ADGRV1: variants seen among roughly 807,000 people sequenced by gnomAD.
The protein encoded by ADGRV1 is G-protein coupled receptor 98.
A neutral mutation model predicts 596.2 loss-of-function variants in ADGRV1; 359 were observed. The observed-to-expected ratio is 0.60, with a 90% CI of 0.55 to 0.66. The LOEUF (loss-of-function observed/expected upper bound fraction) is 0.66. ADGRV1 is among the 30% of genes least tolerant of loss of function. The pLI, the probability that ADGRV1 is intolerant of heterozygous loss-of-function variation, is 0.00. For missense variants in ADGRV1, 7,274 were observed against 7,575.6 expected (o/e 0.96, Z 1.48); for synonymous variants, 2,681 against 2,679.2 (o/e 1.00, Z -0.02).
chr5:90,829,401 T>C (rs1439800454), intron 77 of ADGRV1, among the ~76,000 whole-genome samples: 3 of 152,232 alleles, frequency 2.0e-5, no homozygotes, highest in Admixed American at 1.3e-4. Context: ...CTTTTTTCTC[T>C]CTTTTGACAA....
chr5:90,653,838 A>G lies in ADGRV1; in HGVS notation c.4264A>G (p.Ser1422Gly), dbSNP rs377136573. ...KTTVMKYLEE[S>G]VWLHLLIILE... Reference sequence around the variant, plus strand: ...AACAGTCATGAAATATTTAGAAGAAAGTGTTTGGCTTCATCTACTAATTAT... The same window carrying G: ...AACAGTCATGAAATATTTAGAAGAAGGTGTTTGGCTTCATCTACTAATTAT... Residue 1422 changes from serine to glycine, a missense_variant, in exon 20 of 90, where the codon AGT becomes GGT. By Grantham distance (56) the Ser-to-Gly change is moderately conservative (BLOSUM62 0). Transcript: ENST00000405460. 6.3e-5 allele frequency: 101 copies of G among 1,612,654 alleles called. No homozygotes were observed. The African/African-American group carries it at 1.2e-3, about 19-fold the overall frequency.
Position 90,700,505 on chromosome 5 carries a change from G to A in ADGRV1, c.8156-3160G>A, listed in dbSNP as rs190900085. On this transcript the variant is annotated intron_variant, in intron 34 of 89. Transcript: ENST00000405460. Reference sequence around the variant, plus strand: ...GTAATGGACAGAATTTAGAAATATGGGACAATGGATTTTACTGTGGTTGCA... The same window carrying A: ...GTAATGGACAGAATTTAGAAATATGAGACAATGGATTTTACTGTGGTTGCA... 1.2e-3 allele frequency among the ~76,000 whole-genome samples: 176 copies of A among 152,160 alleles called. 1 individual carries two copies. Among genetic ancestry groups the A allele is most frequent in the African/African-American group, 4.1e-3 (169 of 41,532 alleles).
intron 83 of ADGRV1, among the ~76,000 whole-genome samples, chr5:90,894,542 G>C (rs1178994685): frequency 6.6e-6 from 1 of 152,106 alleles, no homozygotes; most frequent in Non-Finnish European, 1.5e-5. Context: ...AACAAATTTT[G>C]ACTATTCTGC....
chr5:90,820,433 T>G (rs1174531335), intron 75 of ADGRV1, among the ~76,000 whole-genome samples: 9 of 151,610 alleles, frequency 5.9e-5, no homozygotes, highest in Non-Finnish European at 1.0e-4. Context: ...GTTAATATTG[T>G]TATGTGTGAA....
Position 90,757,013 on chromosome 5 carries a change from C to T in ADGRV1, c.11792C>T (p.Pro3931Leu). The T allele has an allele frequency of 6.2e-7, 1 of 1,613,150 alleles. No individual in the cohort carries two copies. Among genetic ancestry groups the T allele is most frequent in the Non-Finnish European group, 8.5e-7 (1 of 1,179,454 alleles). Residue 3931 changes from proline to leucine, a missense_variant, in exon 57 of 90, where the codon CCT (proline) becomes CTT (leucine). By Grantham distance (98) the Pro-to-Leu change is moderately conservative. Coordinates refer to ENST00000405460, the MANE Select transcript of ADGRV1 (RefSeq NM_032119.4). ...GAAGTTATTACTGCCTATGAGGTGC[C>T]TCCACCCTTGAACGTTCTTCAAGTT... ...AGEVITAYEV[P>L]PPLNVLQVPV...
At chr5:90,765,705 TG>T in intron 59 of ADGRV1, among the ~76,000 whole-genome samples, 1 of 152,012 alleles carries the variant, frequency 6.6e-6, no homozygotes, top group East Asian at 1.9e-4. Context: ...TCTTTTTTTT[TG>T]TTTGTTTGTT....
chr5:91,157,542 C>T, intron 89 of ADGRV1, among the ~76,000 whole-genome samples: 1 of 152,204 alleles, frequency 6.6e-6, no homozygotes, highest in South Asian at 2.1e-4. Context: ...TTTTATCCTA[C>T]TATAATATAT....
At chr5:90,818,721 T>G (rs1763167913) in intron 75 of ADGRV1, among the ~76,000 whole-genome samples, 1 of 150,764 alleles carries the variant, frequency 6.6e-6, no homozygotes. Context: ...TTACATTTAT[T>G]GATTTGCGTA....
rs1768008908 is a variant in ADGRV1 at position 90,647,782 on chromosome 5, T to C, written c.3289+18T>C. 1 of 1,603,390 alleles carries C rather than the reference T, an allele frequency of 6.2e-7. No individual in the cohort carries two copies. The highest frequency in any genetic ancestry group is 8.5e-7 in the Non-Finnish European group (1 of 1,174,048). On this transcript the variant is annotated intron_variant, in intron 17 of 89. Coordinates refer to ENST00000405460, the MANE Select transcript of ADGRV1 (RefSeq NM_032119.4). ...TTCAACAGGTAAGTAAATTATGCTT[T>C]TTTATGGCAGATCTGCCTCAGTGCT...
At chr5:91,008,402 G>A (rs541476355) in intron 85 of ADGRV1, among the ~76,000 whole-genome samples, 2 of 152,238 alleles carry the variant, frequency 1.3e-5, no homozygotes, top group South Asian at 4.1e-4. Flanking sequence ...GTAGATGCAT[G>A]AATAATAATA....
In ADGRV1 at chr5:91,072,463, G is replaced by A. The variant is rs748588287; in HGVS notation, c.18169G>A (p.Val6057Ile). 3.0e-5 allele frequency: 48 copies of A among 1,613,606 alleles called. No homozygotes were observed. Among genetic ancestry groups the A allele is most frequent in the African/African-American group, 8.0e-5 (6 of 74,894 alleles). ...CTCTTCCAGGTGTTTTATTCCAAACGTCTATGCTGCTTTGTTCACTGCAGC... is the reference window on the plus strand; with the variant it reads ...CTCTTCCAGGTGTTTTATTCCAAACATCTATGCTGCTTTGTTCACTGCAGC... ...IHGDLCFIPN[V>I]YAALFTAALV... The change falls in exon 86 of 90, where the codon GTC (valine) becomes ATC (isoleucine). Residue 6057 changes from valine (V) to isoleucine (I), a missense_variant. This residue lies in a region of ADGRV1 where 1,874 missense variants were observed against 1,970.2 expected (regional missense o/e 0.95). Transcript: ENST00000405460.
At chr5:90,782,033 C>G (rs1380655007) in intron 65 of ADGRV1, among the ~76,000 whole-genome samples, 1 of 152,096 alleles carries the variant, frequency 6.6e-6, no homozygotes, top group African/African-American at 2.4e-5. Context: ...AGCAGCTTGC[C>G]TAATATTGCC....
intron 77 of ADGRV1, among the ~76,000 whole-genome samples, chr5:90,832,463 CAT>C (rs1764603334): frequency 6.6e-6 from 1 of 152,040 alleles, no homozygotes. Context: ...CATTTTTACT[CAT>C]AGAGTTCTTT....
Position 90,810,500 on chromosome 5 carries a change from T to C in ADGRV1, c.15240T>C (p.Asn5080=), listed in dbSNP as rs375911753. The C allele has an allele frequency of 9.3e-5, 150 of 1,613,812 alleles. No homozygotes were observed. The African/African-American group carries it at 1.8e-3, about 19-fold the overall frequency. ...TTGATTTTGAAATAACCATTATTAA[T>C]GATCAGCTTTCTGAGATAGAAGAAT... The part of the protein sequence containing the change: ...TEVDFEITII[N]DQLSEIEEFF... Residue 5080 remains asparagine (N), a synonymous_variant, in exon 74 of 90, where the codon AAT becomes AAC. Transcript: ENST00000405460.
intron 89 of ADGRV1, among the ~76,000 whole-genome samples, chr5:91,154,587 C>G (rs1359338644): frequency 6.6e-6 from 1 of 152,206 alleles, no homozygotes; most frequent in Non-Finnish European, 1.5e-5. Context: ...TTAAGAATGG[C>G]ACATCCTATC....
chr5:91,156,483 C>T lies in ADGRV1; in HGVS notation c.18802+3085C>T, dbSNP rs141061179. On this transcript the variant is annotated intron_variant, in intron 89 of 89. Transcript: ENST00000405460. ...ATCAGACTACAAGTAATTCTCAGGG[C>T]AGATTATGTCCTCAGTGCTACAGTG... Among the ~76,000 whole-genome samples the T allele has an allele frequency of 2.9e-3, 442 of 152,232 alleles. 4 individuals are homozygous for T. Among genetic ancestry groups the T allele is most frequent in the African/African-American group, 0.01 (419 of 41,560 alleles).
At chr5:91,160,590 G>T (rs899546879) in intron 89 of ADGRV1, among the ~76,000 whole-genome samples, 2 of 152,132 alleles carry the variant, frequency 1.3e-5, no homozygotes, top group Non-Finnish European at 2.9e-5. Context: ...CTGTTCTATT[G>T]ACCAAAGGAA....
chr5:91,089,791 A>G (rs554237542), intron 86 of ADGRV1, among the ~76,000 whole-genome samples: 12 of 152,174 alleles, frequency 7.9e-5, no homozygotes, highest in Non-Finnish European at 1.5e-4. Flanking sequence ...TCCAAAAATT[A>G]TGAGACCATT....
In ADGRV1 at chr5:90,690,060, C is replaced by T; in HGVS notation, c.6690C>T (p.Asp2230=). The change falls in exon 30 of 90, where the codon GAC becomes GAT. Residue 2230 remains aspartate (D), a synonymous_variant. Coordinates refer to ENST00000405460, the MANE Select transcript of ADGRV1 (RefSeq NM_032119.4). ...TCATTATTATTGAGGCCTCTGATGA[C>T]CCCTATGGATTATTTGGTATGAAGA... ...EAVIIIEASD[D]PYGLFGFQIT... The T allele has an allele frequency of 6.4e-7, 1 of 1,562,704 alleles. No individual in the cohort carries two copies. Among genetic ancestry groups the T allele is most frequent in the Admixed American group, 1.9e-5 (1 of 53,494 alleles).
Sources: allele counts gnomAD v4.1 joint callset (sites outside exome capture counted in the v4.1 genomes callset), GRCh38; gene constraint gnomAD v4.1.1; regional missense constraint gnomAD v4.1.1; transcripts MANE v1.5; gene names NCBI Gene and HGNC (gene_info 2026-07-23, HGNC 2026-07-21).